The following DNAH9 variants were observed in gnomAD, a reference collection of about 807,000 sequenced individuals.
DNAH9 encodes the protein DNAH9 variant protein.
DNAH9 carries 345 observed loss-of-function variants against 471.6 expected under a neutral mutation model. That is an observed-to-expected ratio of 0.73 (90% CI 0.67 to 0.80). DNAH9 has a LOEUF of 0.80. Among genes scored for constraint, DNAH9 ranks in the 30% least tolerant of loss-of-function variants. The pLI, the probability that DNAH9 is intolerant of heterozygous loss-of-function variation, is 0.00. For synonymous variants in DNAH9, 2,093 were observed against 2,123.6 expected (o/e 0.99, Z 0.40); for missense variants, 5,407 against 5,609.2 (o/e 0.96, Z 1.15).
At chr17:11,735,173 T>C (rs2075325183) in intron 28 of DNAH9, among the ~76,000 whole-genome samples, 1 of 152,178 alleles carries the variant, frequency 6.6e-6, no homozygotes, top group African/African-American at 2.4e-5. Context: ...AGATCAGGGC[T>C]TGTCAACCTA....
intron 67 of DNAH9, among the ~76,000 whole-genome samples, chr17:11,954,701 C>T (rs972009622): frequency 3.5e-5 from 5 of 144,450 alleles, no homozygotes; most frequent in African/African-American, 1.0e-4. Flanking sequence ...ACCCAGGAGG[C>T]GGAGGTTGTG....
At chr17:11,736,988 C>T (rs1468344349) in intron 28 of DNAH9, among the ~76,000 whole-genome samples, 2 of 152,190 alleles carry the variant, frequency 1.3e-5, no homozygotes, top group African/African-American at 2.4e-5. Context: ...AGAGAACCAG[C>T]CTTTGCCAGT....
chr17:11,806,273 G>C (rs1233553746), intron 43 of DNAH9, among the ~76,000 whole-genome samples: 1 of 152,142 alleles, frequency 6.6e-6, no homozygotes, highest in Admixed American at 6.5e-5. Flanking sequence ...CTGCGCGGCA[G>C]TCTCTAAAGA....
rs888957603 is a variant in DNAH9 at position 11,664,987 on chromosome 17, A to G, written c.2731+19A>G. 1.2e-6 allele frequency: 2 copies of G among 1,603,642 alleles called. No homozygotes were observed. The highest frequency in any genetic ancestry group is 2.7e-5 in the African/African-American group (2 of 74,546). On this transcript the variant is annotated intron_variant, in intron 15 of 68. Coordinates refer to ENST00000262442, the MANE Select transcript of DNAH9 (RefSeq NM_001372.4). ...AATACTGGTACTTACTGGCTTATGGATGTGGGTTATTATTGGAAAGATAAC... is the reference window on the plus strand; with the variant it reads ...AATACTGGTACTTACTGGCTTATGGGTGTGGGTTATTATTGGAAAGATAAC...
At chr17:11,625,098 C>T (rs541775929) in intron 6 of DNAH9, among the ~76,000 whole-genome samples, 62 of 150,376 alleles carry the variant, frequency 4.1e-4, no homozygotes, top group Admixed American at 3.9e-3. Flanking sequence ...ACACACACAC[C>T]GAGTTCATTT....
intron 30 of DNAH9, among the ~76,000 whole-genome samples, chr17:11,744,254 C>T (rs1162118607): frequency 2.0e-5 from 3 of 152,180 alleles, no homozygotes; most frequent in Non-Finnish European, 4.4e-5. Flanking sequence ...CACTACAGCT[C>T]CTTCCCACAC....
At chr17:11,624,509 A>G (rs2072935152) in intron 6 of DNAH9, among the ~76,000 whole-genome samples, 1 of 88,090 alleles carries the variant, frequency 1.1e-5, no homozygotes, top group Non-Finnish European at 3.0e-5. Flanking sequence ...ACTCCATCTC[A>G]AAAAAAAAAG....
intron 49 of DNAH9, among the ~76,000 whole-genome samples, chr17:11,841,091 G>C (rs183074634): frequency 7.9e-5 from 12 of 152,238 alleles, no homozygotes; most frequent in Non-Finnish European, 1.8e-4. Context: ...CCCACATCCT[G>C]GCCAACCTTA....
chr17:11,840,844 A>G (rs1971006940), intron 49 of DNAH9, among the ~76,000 whole-genome samples: 1 of 152,166 alleles, frequency 6.6e-6, no homozygotes. Flanking sequence ...AGGGTGTGCA[A>G]CGGATTCTCC....
intron 51 of DNAH9, 34 bp downstream of exon 51, chr17:11,869,287 T>C (rs750846336): frequency 3.1e-6 from 5 of 1,608,882 alleles, no homozygotes; most frequent in Non-Finnish European, 4.2e-6. Flanking sequence ...GAGCTGTAAT[T>C]ATATTAGCAG....
intron 45 of DNAH9, among the ~76,000 whole-genome samples, chr17:11,814,326 C>A (rs1482663540): frequency 6.6e-6 from 1 of 152,212 alleles, no homozygotes; most frequent in East Asian, 1.9e-4. Flanking sequence ...TCTGGTGCCC[C>A]TGCCAGTTAG....
intron 49 of DNAH9, among the ~76,000 whole-genome samples, chr17:11,851,344 C>A (rs1971415857): frequency 6.6e-6 from 1 of 152,100 alleles, no homozygotes; most frequent in Admixed American, 6.6e-5. Context: ...TCTCGAACTC[C>A]TGACCTTAGG....
intron 25 of DNAH9, among the ~76,000 whole-genome samples, chr17:11,704,816 C>T (rs569969221): frequency 1.1e-4 from 17 of 152,270 alleles, no homozygotes; most frequent in Admixed American, 9.1e-4. Context: ...CTCCTGACCT[C>T]GGGTGATCCG....
Position 11,841,975 on chromosome 17 carries a change from C to T in DNAH9, c.9507+7077C>T, listed in dbSNP as rs571227204. ...TAGTTTTCCTTCTTTTTATTTCCTT[C>T]CTTCCTTTCTTTTTATACAGTTTCT... On this transcript the variant is annotated intron_variant, in intron 49 of 68. Transcript: ENST00000262442. Among the ~76,000 whole-genome samples the T allele has an allele frequency of 1.3e-5, 2 of 152,204 alleles. 1 individual carries two copies. The highest frequency in any genetic ancestry group is 4.8e-5 in the African/African-American group (2 of 41,544).
chr17:11,888,000 T>G (rs1972931608), intron 57 of DNAH9, among the ~76,000 whole-genome samples: 1 of 151,842 alleles, frequency 6.6e-6, no homozygotes, highest in African/African-American at 2.4e-5. Flanking sequence ...TTTTTTTTTT[T>G]GAGAGGGAGT....
chr17:11,834,906 G>T lies in DNAH9; in HGVS notation c.9507+8G>T. On this transcript the variant is annotated splice_region_variant and intron_variant, in intron 49 of 68. Coordinates refer to ENST00000262442, the MANE Select transcript of DNAH9 (RefSeq NM_001372.4). ...CTCAACACCCTGAACAAGGTAGGAG[G>T]ACTGTCTGCCATACCTGCTCATCCC... The T allele has an allele frequency of 6.2e-7, 1 of 1,611,058 alleles. No homozygotes were observed. Among genetic ancestry groups the T allele is most frequent in the Non-Finnish European group, 8.5e-7 (1 of 1,179,144 alleles).
At position 11,742,318 on chromosome 17, in the gene DNAH9, G is replaced by T; in HGVS notation, c.6111+5G>T. 6.2e-7 allele frequency: 1 copy of T among 1,613,990 alleles called. No homozygotes were observed. Among genetic ancestry groups the T allele is most frequent in the Non-Finnish European group, 8.5e-7 (1 of 1,179,914 alleles). The stretch of plus-strand genomic sequence containing the variant: ...AAAGAGCTTCTCTCCAAACAGGTAG[G>T]ATCTCTAGGGAGGCTGTACAACCAA... On this transcript the variant is annotated splice_donor_5th_base_variant and intron_variant, in intron 30 of 68. Coordinates refer to ENST00000262442, the MANE Select transcript of DNAH9 (RefSeq NM_001372.4).
intron 30 of DNAH9, 74 bp from the exon 31 acceptor site, chr17:11,744,723 T>C: frequency 7.5e-7 from 1 of 1,328,998 alleles, no homozygotes; most frequent in South Asian, 1.3e-5. Context: ...ATAGCATATC[T>C]ATGATTCTGC....
chr17:11,858,870 G>C (rs1717284498), intron 50 of DNAH9, among the ~76,000 whole-genome samples: 1 of 151,934 alleles, frequency 6.6e-6, no homozygotes, highest in African/African-American at 2.4e-5. Context: ...CATCACCTGA[G>C]GTTAGAAGTT....
Sources: allele counts gnomAD v4.1 joint callset (sites outside exome capture counted in the v4.1 genomes callset), GRCh38; gene constraint gnomAD v4.1.1; transcripts MANE v1.5; gene names NCBI Gene and HGNC (gene_info 2026-07-23, HGNC 2026-07-21).